The following L3MBTL4 variants were observed in gnomAD, a reference collection of about 807,000 sequenced individuals.
L3MBTL4 encodes L3MBTL histone methyl-lysine binding protein 4.
A neutral mutation model predicts 84.5 loss-of-function variants in L3MBTL4; 70 were observed. The observed-to-expected ratio is 0.83, with a 90% CI of 0.68 to 1.01. The LOEUF is 1.01. L3MBTL4 is among the 50% of genes least tolerant of loss of function. The probability of loss-of-function intolerance (pLI) is 0.00; values close to 1 mark genes in which losing one functional copy is unlikely to be tolerated. For synonymous variants in L3MBTL4, 274 were observed against 259.8 expected (o/e 1.05, Z -0.52); for missense variants, 715 against 754.8 (o/e 0.95, Z 0.62).
chr18:6,409,098 A>G (rs1163810731), intron 1 of L3MBTL4, among the ~76,000 whole-genome samples: 7 of 152,192 alleles, frequency 4.6e-5, no homozygotes, highest in African/African-American at 1.7e-4. Flanking sequence ...CCCTGGATTT[A>G]GATCTTAACG....
chr18:6,191,399 C>T (rs74472619), intron 12 of L3MBTL4, among the ~76,000 whole-genome samples: 2,549 of 152,240 alleles, frequency 0.017, 77 homozygotes, highest in African/African-American at 0.058. Flanking sequence ...TCAAAGATGA[C>T]TCCACATTTT....
chr18:6,321,427 G>C (rs138524263), intron 1 of L3MBTL4, among the ~76,000 whole-genome samples: 3 of 152,188 alleles, frequency 2.0e-5, no homozygotes, highest in African/African-American at 7.2e-5. Flanking sequence ...TGTTGGTGTG[G>C]ATGTGGTGGA....
chr18:6,219,062 G>A (rs938574563), intron 10 of L3MBTL4, among the ~76,000 whole-genome samples: 4 of 152,158 alleles, frequency 2.6e-5, no homozygotes, highest in African/African-American at 9.6e-5. Flanking sequence ...TCACTTACAT[G>A]AAGTCAGTTA....
intron 10 of L3MBTL4, among the ~76,000 whole-genome samples, chr18:6,234,492 A>C (rs2047132971): frequency 6.6e-6 from 1 of 152,236 alleles, no homozygotes; most frequent in Non-Finnish European, 1.5e-5. Flanking sequence ...CAACCCCATC[A>C]AAAAGTGGGC....
At chr18:6,375,804 A>G (rs1327470272) in intron 1 of L3MBTL4, among the ~76,000 whole-genome samples, 7 of 151,952 alleles carry the variant, frequency 4.6e-5, no homozygotes, top group Non-Finnish European at 1.0e-4. Flanking sequence ...ATAATAAAGA[A>G]AGAAGGGCCT....
rs73938779 is a variant in L3MBTL4, at chr18:6,157,992, A to T, written c.1096+13836T>A. ...GCCTGTGTCTCTCCTACTAGGCTTGACTAGACCAATTCCATAGCTACTACT... is the reference window on the plus strand; with the variant it reads ...GCCTGTGTCTCTCCTACTAGGCTTGTCTAGACCAATTCCATAGCTACTACT... On this transcript the variant is annotated intron_variant, in intron 13 of 18. Coordinates refer to ENST00000317931, the MANE Select transcript of L3MBTL4 (RefSeq NM_001330559.2). Among the ~76,000 whole-genome samples the T allele has an allele frequency of 3.0e-3, 456 of 152,276 alleles. 3 individuals carry two copies. Among genetic ancestry groups the T allele is most frequent in the African/African-American group, 0.011 (441 of 41,560 alleles).
intron 12 of L3MBTL4, among the ~76,000 whole-genome samples, chr18:6,192,919 T>G (rs1056840904): frequency 2.0e-5 from 3 of 151,228 alleles, no homozygotes; most frequent in African/African-American, 7.3e-5. Context: ...GTTCATGCCG[T>G]GTAAAGAGAA....
intron 1 of L3MBTL4, among the ~76,000 whole-genome samples, chr18:6,393,168 G>A (rs341220): frequency 0.72 from 109,710 of 151,962 alleles, 40,198 homozygotes; most frequent in African/African-American, 0.86. Flanking sequence ...CGGGCCAAAT[G>A]TAATCACACA....
At chr18:6,087,103 T>TATCA (rs1568095351) in intron 15 of L3MBTL4, among the ~76,000 whole-genome samples, 3 of 152,232 alleles carry the variant, frequency 2.0e-5, no homozygotes. Context: ...TTCCCTGCTC[T>TATCA]ATCACTAGAG....
chr18:6,269,246 G>T (rs1186814676), intron 4 of L3MBTL4, among the ~76,000 whole-genome samples: 1 of 152,104 alleles, frequency 6.6e-6, no homozygotes, highest in African/African-American at 2.4e-5. Context: ...CGGATCACGA[G>T]GTCAGGAGAT....
intron 13 of L3MBTL4, among the ~76,000 whole-genome samples, chr18:6,165,371 C>T (rs1056092509): frequency 7.2e-5 from 11 of 152,058 alleles, no homozygotes; most frequent in African/African-American, 2.7e-4. Context: ...TTCCAAGACA[C>T]ATAATTGTCA....
intron 12 of L3MBTL4, among the ~76,000 whole-genome samples, chr18:6,205,270 G>C (rs73384002): frequency 0.05 from 7,569 of 152,238 alleles, 611 homozygotes; most frequent in African/African-American, 0.17. Context: ...AGTAAAGGTG[G>C]CCTCTAGAAG....
At chr18:6,295,338 C>CTATATATATATA (rs1397490274) in intron 4 of L3MBTL4, among the ~76,000 whole-genome samples, 1 of 126,526 alleles carries the variant, frequency 7.9e-6, no homozygotes, top group African/African-American at 3.6e-5. Context: ...CTCTCTCTCT[C>CTATATATATATA]TCTCTCTCTA....
At chr18:6,149,147 A>G (rs1034976989) in intron 13 of L3MBTL4, among the ~76,000 whole-genome samples, 8 of 150,064 alleles carry the variant, frequency 5.3e-5, no homozygotes, top group African/African-American at 2.0e-4. Flanking sequence ...TGCCGCACCT[A>G]TCAACTCGTC....
At chr18:6,283,976 C>T (rs1395681173) in intron 4 of L3MBTL4, among the ~76,000 whole-genome samples, 1 of 152,186 alleles carries the variant, frequency 6.6e-6, no homozygotes, top group African/African-American at 2.4e-5. Context: ...AGCTAAATAA[C>T]CAAAGTCTGG....
At chr18:6,145,268 G>A (rs1215615448) in intron 13 of L3MBTL4, among the ~76,000 whole-genome samples, 1 of 151,966 alleles carries the variant, frequency 6.6e-6, no homozygotes, top group East Asian at 1.9e-4. Flanking sequence ...GGTGACTCTG[G>A]GTGATGTAAA....
intron 14 of L3MBTL4, among the ~76,000 whole-genome samples, chr18:6,117,261 C>A (rs934188925): frequency 2.0e-5 from 3 of 152,084 alleles, no homozygotes; most frequent in Non-Finnish European, 4.4e-5. Context: ...GAAGGAAGGA[C>A]TTGGTTTTGT....
chr18:6,017,121 T>C (rs949845496), intron 16 of L3MBTL4, among the ~76,000 whole-genome samples: 1 of 152,168 alleles, frequency 6.6e-6, no homozygotes, highest in East Asian at 1.9e-4. Context: ...GTCCTGCCCA[T>C]TACAGAAATC....
chr18:6,354,249 G>A (rs1290181043), intron 1 of L3MBTL4, among the ~76,000 whole-genome samples: 1 of 152,114 alleles, frequency 6.6e-6, no homozygotes, highest in African/African-American at 2.4e-5. Context: ...AATGAAACTA[G>A]ACCCCTATCT....
Sources: gnomAD v4.1 joint callset for allele counts (sites outside exome capture counted in the v4.1 genomes callset) on GRCh38, gnomAD v4.1.1 for gene constraint, MANE v1.5 for transcripts, NCBI Gene and HGNC (gene_info 2026-07-23, HGNC 2026-07-21) for gene names.